The following CEP112 variants were observed in gnomAD, a reference collection of about 807,000 sequenced individuals.
CEP112 encodes the protein centrosomal protein of 112 kDa.
Under a neutral mutation model 153.0 loss-of-function variants are expected in CEP112, and 127 were observed. That is an observed-to-expected ratio of 0.83 (90% confidence interval 0.72 to 0.96). The LOEUF (loss-of-function observed/expected upper bound fraction) is 0.96. Ranked by LOEUF, CEP112 falls within the 40% of genes least tolerant of loss-of-function variation. CEP112 has a pLI of 0.00. For synonymous variants in CEP112, 358 were observed against 374.4 expected, an observed-to-expected ratio of 0.96 and a Z score of 0.51; for missense variants, 1,089 against 1,101.2, an observed-to-expected ratio of 0.99 and a Z score of 0.16.
chr17:66,028,404 G>T lies in CEP112; in HGVS notation c.1505C>A (p.Ala502Glu). The change falls in exon 15 of 27, where the codon GCA (alanine) becomes GAA (glutamate). Residue 502 changes from alanine (A) to glutamate (E), a missense_variant and splice_region_variant. By Grantham distance (107) the Ala-to-Glu change is moderately radical. Coordinates refer to ENST00000535342, the MANE Select transcript of CEP112 (RefSeq NM_001199165.4). The stretch of plus-strand genomic sequence containing the variant: ...CTCTAATTCTTCAATCATACTAGAT[G>T]CCTACAAGGATTTTAAGAAGAATAA... ...KQEHALSASK[A>E]SSMIEELEQN... is the part of the protein sequence containing the mutation. 6.6e-7 allele frequency: 1 copy of T among 1,525,118 alleles called. No individual in the cohort carries two copies. The allele number at this position is 1,525,118 out of a possible 1,614,324, so 94.5% of individuals were successfully genotyped here.
At chr17:65,840,090 T>G (rs1418131904) in intron 21 of CEP112, among the ~76,000 whole-genome samples, 1 of 152,058 alleles carries the variant, frequency 6.6e-6, no homozygotes, top group Non-Finnish European at 1.5e-5. Flanking sequence ...ACACTACCCA[T>G]AACAATCTAC....
At chr17:65,957,212 GA>G (rs1173796009) in intron 18 of CEP112, among the ~76,000 whole-genome samples, 1 of 151,996 alleles carries the variant, frequency 6.6e-6, no homozygotes, top group African/African-American at 2.4e-5. Context: ...GAATAAAATG[GA>G]AACATATATC....
intron 4 of CEP112, among the ~76,000 whole-genome samples, chr17:66,154,898 T>G (rs2071373679): frequency 6.6e-6 from 1 of 152,208 alleles, no homozygotes; most frequent in African/African-American, 2.4e-5. Flanking sequence ...TAAGAGGTAG[T>G]TAGGCCATGA....
At chr17:66,076,072 A>G (rs528081535) in intron 8 of CEP112, among the ~76,000 whole-genome samples, 1 of 152,210 alleles carries the variant, frequency 6.6e-6, no homozygotes, top group Non-Finnish European at 1.5e-5. Flanking sequence ...TGGGTCCCCA[A>G]GCAGGCCATT....
chr17:65,902,290 T>C lies in CEP112; in HGVS notation c.2025A>G (p.Leu675=). 1 of 1,613,944 alleles carries C rather than the reference T, an allele frequency of 6.2e-7. No homozygotes were observed. The highest frequency in any genetic ancestry group is 8.5e-7 in the Non-Finnish European group (1 of 1,179,982). The change falls in exon 20 of 27, where the codon CTA becomes CTG. Residue 675 remains leucine, a synonymous_variant. Coordinates refer to ENST00000535342, the MANE Select transcript of CEP112 (RefSeq NM_001199165.4). ...KLEHEQEKTH[L]LQQHNAEKDS... ...CCTTCTCTGCGTTATGCTGCTGTAA[T>C]AGGTGCGTCTTCTCCTGTTCATGCT...
intron 16 of CEP112, among the ~76,000 whole-genome samples, chr17:66,025,920 TACACACACAC>T (rs759825168): frequency 4.0e-5 from 5 of 124,520 alleles, no homozygotes; most frequent in African/African-American, 1.5e-4. Flanking sequence ...AAATGTGGCA[TACACACACAC>T]ACACACACAC....
chr17:65,988,587 A>G (rs566710148), intron 17 of CEP112, among the ~76,000 whole-genome samples: 8 of 152,356 alleles, frequency 5.3e-5, no homozygotes, highest in Admixed American at 5.2e-4. Context: ...ATAATTGTTA[A>G]AAGATCAAAC....
chr17:66,076,835 T>A (rs886323768), intron 8 of CEP112, among the ~76,000 whole-genome samples: 4 of 152,126 alleles, frequency 2.6e-5, no homozygotes, highest in Non-Finnish European at 5.9e-5. Flanking sequence ...CCAGAACAGG[T>A]GCTGGTATCC....
intron 6 of CEP112, among the ~76,000 whole-genome samples, chr17:66,111,493 A>G (rs1044769980): frequency 2.0e-5 from 3 of 152,216 alleles, no homozygotes; most frequent in Admixed American, 2.0e-4. Context: ...AAAATACTGT[A>G]CATATACCCA....
At chr17:66,118,677 A>G (rs1192682412) in intron 6 of CEP112, among the ~76,000 whole-genome samples, 1 of 152,184 alleles carries the variant, frequency 6.6e-6, no homozygotes, top group African/African-American at 2.4e-5. Flanking sequence ...TATAGTTAAC[A>G]ATAACTTACT....
At chr17:66,066,023 A>C (rs1179120965) in intron 10 of CEP112, among the ~76,000 whole-genome samples, 1 of 152,164 alleles carries the variant, frequency 6.6e-6, no homozygotes, top group African/African-American at 2.4e-5. Context: ...TTCCCATCCC[A>C]GTACCTGCAA....
chr17:65,884,816 C>A (rs147968267), intron 20 of CEP112, among the ~76,000 whole-genome samples: 1,498 of 148,160 alleles, frequency 0.01, 36 homozygotes, highest in African/African-American at 0.035. Flanking sequence ...CTCCTGGGTT[C>A]AAGCAATTCT....
rs1009779639 is a variant in CEP112 at position 65,982,210 on chromosome 17, C to T, written c.1737-20612G>A. ...AAGCATTTATCCTTTGTGTTACAAA[C>T]AACCCAATTATATGCTATTTTTTAT... On this transcript the variant is annotated intron_variant, in intron 17 of 26. Coordinates refer to ENST00000535342, the MANE Select transcript of CEP112 (RefSeq NM_001199165.4). Among the ~76,000 whole-genome samples the T allele has an allele frequency of 9.2e-5, 14 of 152,206 alleles. No individual in the cohort carries two copies. In the East Asian group the frequency reaches 2.7e-3, roughly 29 times the overall value.
chr17:65,967,154 G>A (rs1299056856), intron 17 of CEP112, among the ~76,000 whole-genome samples: 2 of 152,170 alleles, frequency 1.3e-5, no homozygotes, highest in African/African-American at 2.4e-5. Context: ...TGTCAACAAT[G>A]TAGGCTTACC....
intron 23 of CEP112, among the ~76,000 whole-genome samples, chr17:65,712,339 G>T (rs780381510): frequency 6.6e-6 from 1 of 152,018 alleles, no homozygotes; most frequent in African/African-American, 2.4e-5. Flanking sequence ...GATGAATAGC[G>T]GAACAAAAAA....
intron 17 of CEP112, among the ~76,000 whole-genome samples, chr17:65,991,631 T>A (rs758407887): frequency 6.6e-6 from 1 of 152,154 alleles, no homozygotes; most frequent in Non-Finnish European, 1.5e-5. Flanking sequence ...AAATTTCTTA[T>A]GAAGGAGACC....
In CEP112 at chr17:65,654,633, G is replaced by A. The variant is rs542669375; in HGVS notation, c.2698-13568C>T. Reference sequence around the variant, plus strand: ...GTGGAGAAAAAGGTGGCTTTAGCATGAGTGAATGGTTCAAACCTAGCACTT... The same window carrying A: ...GTGGAGAAAAAGGTGGCTTTAGCATAAGTGAATGGTTCAAACCTAGCACTT... On this transcript the variant is annotated intron_variant, in intron 24 of 26. Transcript: ENST00000535342. Among the ~76,000 whole-genome samples the A allele has an allele frequency of 2.4e-3, 361 of 152,304 alleles. 3 individuals carry two copies. Among genetic ancestry groups the A allele is most frequent in the African/African-American group, 8.1e-3 (337 of 41,572 alleles).
At chr17:66,083,119 C>CACCCAAA (rs1212096263) in intron 8 of CEP112, among the ~76,000 whole-genome samples, 1 of 152,156 alleles carries the variant, frequency 6.6e-6, no homozygotes, top group East Asian at 1.9e-4. Flanking sequence ...TGAACTGTAG[C>CACCCAAA]TACCATCATT....
chr17:66,150,765 C>G (rs1265484730), intron 4 of CEP112, among the ~76,000 whole-genome samples: 1 of 152,190 alleles, frequency 6.6e-6, no homozygotes, highest in East Asian at 1.9e-4. Context: ...CAAGTTGCTC[C>G]ATCAATTCCC....
Sources: gnomAD v4.1 joint callset for allele counts (sites outside exome capture counted in the v4.1 genomes callset) on GRCh38, gnomAD v4.1.1 for gene constraint, MANE v1.5 for transcripts, NCBI Gene and HGNC (gene_info 2026-07-23, HGNC 2026-07-21) for gene names.